TESK2: variants seen among roughly 807,000 people sequenced by gnomAD.
TESK2 encodes the protein testis associated actin remodelling kinase 2, also known as dual specificity testis-specific protein kinase 2.
TESK2 carries 39 observed loss-of-function variants against 57.1 expected under a neutral mutation model. That is an observed-to-expected ratio of 0.68 (90% CI 0.53 to 0.89). TESK2 has a LOEUF of 0.89. Ranked by LOEUF, TESK2 falls within the 40% of genes least tolerant of loss-of-function variation. TESK2 has a pLI of 0.00. For missense variants in TESK2, 646 were observed against 732.1 expected, an observed-to-expected ratio of 0.88 and a Z score of 1.36; for synonymous variants, 249 against 267.9, an observed-to-expected ratio of 0.93 and a Z score of 0.69.
intron 3 of TESK2, among the ~76,000 whole-genome samples, chr1:45,411,595 T>C (rs933554218): frequency 6.6e-6 from 1 of 151,882 alleles, no homozygotes; most frequent in Non-Finnish European, 1.5e-5. Flanking sequence ...AACCTGGGGG[T>C]TGAGGACTCC....
chr1:45,344,680 A>G lies in TESK2; in HGVS notation c.*160T>C. 1.5e-6 allele frequency: 1 copy of G among 661,378 alleles called. No individual in the cohort carries two copies. Among genetic ancestry groups the G allele is most frequent in the Non-Finnish European group, 2.6e-6 (1 of 386,100 alleles). The allele number at this position is 661,378 out of a possible 1,614,324, so 41.0% of individuals were successfully genotyped here. ...AGGCCTCTCACTGCTGCCTCCCGTC[A>G]TACACAGCCAATGGGCACTGGGAGC... On this transcript the variant is annotated 3_prime_UTR_variant, in exon 11 of 11. Transcript: ENST00000372086.
intron 3 of TESK2, among the ~76,000 whole-genome samples, chr1:45,402,492 T>A (rs1649669460): frequency 6.6e-6 from 1 of 151,584 alleles, no homozygotes; most frequent in South Asian, 2.1e-4. Context: ...TTTTCTTTTT[T>A]TTTTTTTGAG....
At chr1:45,368,534 C>T (rs1436508088) in intron 4 of TESK2, among the ~76,000 whole-genome samples, 13 of 151,648 alleles carry the variant, frequency 8.6e-5, no homozygotes, top group South Asian at 2.1e-4. Context: ...CCACCACGCC[C>T]GGCTAATTTT....
intron 4 of TESK2, among the ~76,000 whole-genome samples, chr1:45,364,543 T>C (rs543576154): frequency 2.6e-5 from 4 of 152,228 alleles, no homozygotes; most frequent in Non-Finnish European, 5.9e-5. Context: ...TTCTGCTATG[T>C]CACCCACATT....
At chr1:45,405,865 C>A (rs1034515275) in intron 3 of TESK2, among the ~76,000 whole-genome samples, 7 of 139,868 alleles carry the variant, frequency 5.0e-5, no homozygotes, top group East Asian at 4.5e-4. Context: ...CAGAGCAAGA[C>A]CCTGTCTCAA....
At chr1:45,408,384 C>A (rs1649925714) in intron 3 of TESK2, among the ~76,000 whole-genome samples, 1 of 151,444 alleles carries the variant, frequency 6.6e-6, no homozygotes, top group Non-Finnish European at 1.5e-5. Flanking sequence ...ATTTTTATTA[C>A]CCATATTCTA....
intron 5 of TESK2, among the ~76,000 whole-genome samples, chr1:45,354,048 C>A (rs1038067758): frequency 3.9e-5 from 6 of 152,216 alleles, no homozygotes; most frequent in African/African-American, 1.4e-4. Flanking sequence ...CTAAGAACTA[C>A]ATCCTGGGGC....
chr1:45,428,742 A>G, intron 2 of TESK2, among the ~76,000 whole-genome samples: 1 of 151,030 alleles, frequency 6.6e-6, no homozygotes, highest in African/African-American at 2.4e-5. Flanking sequence ...GGGCTCAAGC[A>G]GTCTGCCTGC....
intron 4 of TESK2, among the ~76,000 whole-genome samples, chr1:45,384,214 C>T (rs909050299): frequency 2.8e-4 from 42 of 152,290 alleles, no homozygotes; most frequent in African/African-American, 9.9e-4. Context: ...CAGGCCAGCA[C>T]GTTCTTCTGG....
chr1:45,372,018 G>C (rs368838452), intron 4 of TESK2, among the ~76,000 whole-genome samples: 1 of 152,126 alleles, frequency 6.6e-6, no homozygotes, highest in Non-Finnish European at 1.5e-5. Context: ...TTAGAACAAG[G>C]TGAGAGGATT....
chr1:45,476,762 GC>G (rs753543020), intron 1 of TESK2, among the ~76,000 whole-genome samples: 29 of 151,974 alleles, frequency 1.9e-4, no homozygotes, highest in Non-Finnish European at 2.8e-4. Context: ...CAGGAGAATT[GC>G]TTGAACATGG....
At chr1:45,384,508 C>G (rs1317875097) in intron 4 of TESK2, among the ~76,000 whole-genome samples, 3 of 151,282 alleles carry the variant, frequency 2.0e-5, no homozygotes, top group African/African-American at 7.3e-5. Flanking sequence ...TAGCCTCAAA[C>G]TCCTGGGCTC....
At chr1:45,431,396 C>T (rs1166842583) in intron 2 of TESK2, among the ~76,000 whole-genome samples, 1 of 151,006 alleles carries the variant, frequency 6.6e-6, no homozygotes, top group Non-Finnish European at 1.5e-5. Flanking sequence ...CCAGCCTGGG[C>T]AATAGAGCGA....
intron 2 of TESK2, among the ~76,000 whole-genome samples, chr1:45,450,230 G>A (rs1176383744): frequency 1.3e-5 from 2 of 152,104 alleles, no homozygotes; most frequent in East Asian, 3.9e-4. Flanking sequence ...AAAATTAATA[G>A]GCTGGGCACA....
At chr1:45,473,728 A>G (rs1353804859) in intron 1 of TESK2, among the ~76,000 whole-genome samples, 3 of 152,198 alleles carry the variant, frequency 2.0e-5, no homozygotes, top group Non-Finnish European at 4.4e-5. Flanking sequence ...CAGTTAAAAT[A>G]ACCAAATGCA....
At chr1:45,356,717 T>C (rs1647440152) in intron 4 of TESK2, among the ~76,000 whole-genome samples, 1 of 150,998 alleles carries the variant, frequency 6.6e-6, no homozygotes, top group African/African-American at 2.4e-5. Context: ...ATGATCTAAA[T>C]AGAGTCAGTT....
At chr1:45,395,762 C>A (rs952831311) in intron 3 of TESK2, among the ~76,000 whole-genome samples, 1 of 151,642 alleles carries the variant, frequency 6.6e-6, no homozygotes, top group Admixed American at 6.6e-5. Context: ...TGTGAGCCAC[C>A]ATGCCCAGCC....
chr1:45,378,947 G>A (rs1326997709), intron 4 of TESK2, among the ~76,000 whole-genome samples: 1 of 152,164 alleles, frequency 6.6e-6, no homozygotes, highest in Non-Finnish European at 1.5e-5. Context: ...CCATGTGGTG[G>A]TTAACAGCTG....
intron 3 of TESK2, among the ~76,000 whole-genome samples, chr1:45,421,130 C>T (rs1650459221): frequency 6.6e-6 from 1 of 152,024 alleles, no homozygotes. Context: ...GGTGGTGCGC[C>T]TGTAGTTCCA....
Sources: gnomAD v4.1 joint callset for allele counts (sites outside exome capture counted in the v4.1 genomes callset) on GRCh38, gnomAD v4.1.1 for gene constraint, MANE v1.5 for transcripts, NCBI Gene and HGNC (gene_info 2026-07-23, HGNC 2026-07-21) for gene names.